The following XK variants were observed in gnomAD, a reference collection of about 807,000 sequenced individuals.
The protein encoded by XK is endoplasmic reticulum membrane adapter protein XK.
Under a neutral mutation model 14.0 loss-of-function variants are expected in XK, and 2 were observed. That is an observed-to-expected ratio of 0.14 (90% confidence interval 0.06 to 0.45). The LOEUF (loss-of-function observed/expected upper bound fraction) is 0.45. Ranked by LOEUF, XK falls within the 20% of genes least tolerant of loss-of-function variation. XK has a pLI of 0.98. For missense variants in XK, 235 were observed against 341.5 expected, an observed-to-expected ratio of 0.69 and a Z score of 2.46; for synonymous variants, 149 against 147.5, an observed-to-expected ratio of 1.01 and a Z score of -0.08.
rs782438240 is a variant in XK at position 37,694,354 on chromosome X, A to G, written c.314A>G (p.Lys105Arg). 9.9e-6 allele frequency: 12 copies of G among 1,209,364 alleles called. No homozygotes were observed. The highest frequency in any genetic ancestry group is 1.7e-5 in the African/African-American group (1 of 57,322). The change falls in exon 2 of 3, where the codon AAG (lysine) becomes AGG (arginine). Residue 105 changes from lysine (K) to arginine (R), a missense_variant. By Grantham distance (26) the Lys-to-Arg change is conservative (BLOSUM62 2). Transcript: ENST00000378616. ...GAAGAGCCTTATGTCAGTATCACCA[A>G]GAAGAGGCAAATGCCAAAAAATGGC... ...NNEEPYVSIT[K>R]KRQMPKNGLS...
At chrX:37,708,176 G>A (rs893752460) in intron 2 of XK, among the ~76,000 whole-genome samples, 4 of 111,907 alleles carry the variant, frequency 3.6e-5, no homozygotes, top group African/African-American at 9.8e-5. Context: ...GCTTCGGCTC[G>A]GCATCAGAGG....
chrX:37,694,153 T>C (rs1326128480), intron 1 of XK, 133 bp from the exon 2 acceptor site: 2 of 852,449 alleles, frequency 2.3e-6, no homozygotes, highest in African/African-American at 4.1e-5. Flanking sequence ...GAGTAGTTGA[T>C]TTAGAAGAGT....
chrX:37,708,210 G>C (rs1927587637), intron 2 of XK, among the ~76,000 whole-genome samples: 1 of 111,485 alleles, frequency 9.0e-6, no homozygotes, highest in Non-Finnish European at 1.9e-5. Flanking sequence ...GAGAGGGAGA[G>C]GGAGACCGTG....
intron 2 of XK, among the ~76,000 whole-genome samples, chrX:37,694,818 A>C (rs1266271580): frequency 8.9e-6 from 1 of 112,026 alleles, no homozygotes; most frequent in Non-Finnish European, 1.9e-5. Context: ...AATCTATTCA[A>C]GGCCCCTTCA....
chrX:37,725,633 A>G (rs1011240428), intron 2 of XK, among the ~76,000 whole-genome samples: 2 of 111,799 alleles, frequency 1.8e-5, no homozygotes, highest in Non-Finnish European at 3.8e-5. Flanking sequence ...ATGCCCCTCC[A>G]AAAATCTACA....
chrX:37,728,522 A>G lies in XK; in HGVS notation c.*60A>G, dbSNP rs782585649. ...TTTCTGGGTTTGATACTCGTTATTC[A>G]TACAAATAATGAGCCCTACACAGGG... is the stretch of plus-strand genomic sequence containing the variant. On this transcript the variant is annotated 3_prime_UTR_variant, in exon 3 of 3. Transcript: ENST00000378616. 2.2e-4 allele frequency: 244 copies of G among 1,098,116 alleles called. No homozygotes were observed. The highest frequency in any genetic ancestry group is 2.9e-4 in the Non-Finnish European group (231 of 803,672). 90.5% of individuals were successfully genotyped at this position (1,098,116 alleles called of 1,213,427 possible).
chrX:37,706,835 C>T (rs1037138391), intron 2 of XK, among the ~76,000 whole-genome samples: 4 of 109,030 alleles, frequency 3.7e-5, no homozygotes, highest in Non-Finnish European at 5.7e-5. Context: ...GGTGATGACT[C>T]TTAACGAGCA....
In XK at chrX:37,727,518, G is replaced by T. The variant is rs1276492623; in HGVS notation, c.509-118G>T. 11 of 617,575 alleles carry T rather than the reference G, an allele frequency of 1.8e-5. No homozygotes were observed. In the East Asian group the frequency reaches 3.9e-4, roughly 22 times the overall value. 50.9% of individuals were successfully genotyped at this position (617,575 alleles called of 1,213,427 possible). ...GCAGATGCTAACAACTGGAAGTCAG[G>T]CTGTGCACATAAAACAGAAGAGTCC... On this transcript the variant is annotated intron_variant, in intron 2 of 2. Transcript: ENST00000378616.
chrX:37,702,571 G>C (rs1556444082), intron 2 of XK, among the ~76,000 whole-genome samples: 11 of 111,712 alleles, frequency 9.8e-5, no homozygotes, highest in Non-Finnish European at 1.9e-5. Context: ...TGGCTCTCTT[G>C]AGAAGTAAAA....
At chrX:37,697,568 A>C (rs189576431) in intron 2 of XK, among the ~76,000 whole-genome samples, 19 of 112,458 alleles carry the variant, frequency 1.7e-4, no homozygotes, top group Middle Eastern at 9.2e-3. Flanking sequence ...CTCATTGAGC[A>C]AACATTGATG....
At position 37,731,835 on chromosome X, in the gene XK, T is replaced by C. The variant is rs1353369565; in HGVS notation, c.*3373T>C. 1 of 112,438 alleles carries C rather than the reference T, an allele frequency of 8.9e-6. No homozygotes were observed. Among genetic ancestry groups the C allele is most frequent in the African/African-American group, 3.2e-5 (1 of 30,995 alleles). 9.3% of individuals were successfully genotyped at this position (112,438 alleles called of 1,213,427 possible). A position where few individuals can be genotyped will look rare whatever the true frequency, so the allele number is the denominator to read the frequency against. On this transcript the variant is annotated 3_prime_UTR_variant, in exon 3 of 3. Transcript: ENST00000378616. Reference sequence around the variant, plus strand: ...CGATAAAGGATATAGCAACATCTTTTGATAATTGTGCTTTACAACTTGAAT... The same window carrying C: ...CGATAAAGGATATAGCAACATCTTTCGATAATTGTGCTTTACAACTTGAAT...
At chrX:37,686,340 C>G in intron 1 of XK, 134 bp downstream of exon 1, 1 of 1,078,587 alleles carries the variant, frequency 9.3e-7, no homozygotes, top group South Asian at 2.1e-5. Context: ...GTCCGCCATG[C>G]CCCTCAGCCC....
At chrX:37,715,355 T>G (rs782459789) in intron 2 of XK, among the ~76,000 whole-genome samples, 16 of 111,948 alleles carry the variant, frequency 1.4e-4, no homozygotes, top group Non-Finnish European at 1.9e-4. Flanking sequence ...ATAGGATATA[T>G]TGATTTTGTA....
chrX:37,721,816 G>T (rs1556449013), intron 2 of XK, among the ~76,000 whole-genome samples: 1 of 111,628 alleles, frequency 9.0e-6, no homozygotes, highest in African/African-American at 3.2e-5. Flanking sequence ...ATCAACTGAT[G>T]AATGGACCAT....
chrX:37,706,370 TAA>T (rs1228806501), intron 2 of XK, among the ~76,000 whole-genome samples: 3 of 111,078 alleles, frequency 2.7e-5, no homozygotes, highest in Non-Finnish European at 1.9e-5. Flanking sequence ...AAGGGCATGA[TAA>T]AGTCAGGGAA....
rs1928037232 is a variant in XK, at chrX:37,729,114, A to G, written c.*652A>G. 9.0e-6 allele frequency: 1 copy of G among 111,248 alleles called. No individual in the cohort carries two copies. The highest frequency in any genetic ancestry group is 1.9e-5 in the Non-Finnish European group (1 of 53,030). The allele number at this position is 111,248 out of a possible 1,213,427, so 9.2% of individuals were successfully genotyped here. ...CTTAGCATCCATGGATGCAGAAATG[A>G]GTGATAAATTTGGCCATGAAAGCCC... On this transcript the variant is annotated 3_prime_UTR_variant, in exon 3 of 3. Transcript: ENST00000378616.
intron 2 of XK, among the ~76,000 whole-genome samples, chrX:37,715,104 G>A (rs1602154530): frequency 2.8e-5 from 3 of 108,651 alleles, no homozygotes; most frequent in East Asian, 5.7e-4. Context: ...GTGTGTGTGT[G>A]TATATATATA....
At chrX:37,722,191 A>G (rs1425836313) in intron 2 of XK, among the ~76,000 whole-genome samples, 1 of 111,788 alleles carries the variant, frequency 8.9e-6, no homozygotes, top group African/African-American at 3.2e-5. Flanking sequence ...TAGCTTCATT[A>G]TTATAGAAAT....
chrX:37,715,187 C>G (rs1022887487), intron 2 of XK, among the ~76,000 whole-genome samples: 5 of 109,680 alleles, frequency 4.6e-5, no homozygotes, highest in Non-Finnish European at 7.6e-5. Context: ...CAAATCTTTA[C>G]ATGACATATT....
Sources: allele counts gnomAD v4.1 joint callset (sites outside exome capture counted in the v4.1 genomes callset), GRCh38; gene constraint gnomAD v4.1.1; transcripts MANE v1.5; gene names NCBI Gene and HGNC (gene_info 2026-07-23, HGNC 2026-07-21).